The following KCNH8 variants were observed in gnomAD, a reference collection of about 807,000 sequenced individuals.
KCNH8 encodes potassium voltage-gated channel subfamily H member 8, also known as voltage-gated delayed rectifier potassium channel KCNH8.
Under a neutral mutation model 103.6 loss-of-function variants are expected in KCNH8, and 70 were observed. That is an observed-to-expected ratio of 0.68 (90% CI 0.56 to 0.82). KCNH8 has a LOEUF of 0.82. Among genes scored for constraint, KCNH8 ranks in the 40% least tolerant of loss-of-function variants. The pLI, the probability that KCNH8 is intolerant of heterozygous loss-of-function variation, is 0.00. For missense variants in KCNH8, 1,217 were observed against 1,329.9 expected, an observed-to-expected ratio of 0.92 and a Z score of 1.32; for synonymous variants, 498 against 489.4, an observed-to-expected ratio of 1.02 and a Z score of -0.23.
intron 15 of KCNH8, among the ~76,000 whole-genome samples, chr3:19,526,677 T>G (rs1334061908): frequency 1.1e-4 from 17 of 151,952 alleles, no homozygotes; most frequent in Non-Finnish European, 2.9e-5. Flanking sequence ...AGTAACACAA[T>G]GTTTTGAAAG....
chr3:19,516,113 G>C (rs955880663), intron 14 of KCNH8, among the ~76,000 whole-genome samples: 2 of 152,054 alleles, frequency 1.3e-5, no homozygotes, highest in Admixed American at 1.3e-4. Context: ...AATAGGCAGA[G>C]ACAATCCAAA....
chr3:19,477,749 T>C (rs2068006167), intron 11 of KCNH8, among the ~76,000 whole-genome samples: 1 of 152,216 alleles, frequency 6.6e-6, no homozygotes, highest in Non-Finnish European at 1.5e-5. Context: ...CTATGAGTTA[T>C]CAAATACATC....
At chr3:19,468,628 T>C (rs1183530223) in intron 11 of KCNH8, among the ~76,000 whole-genome samples, 1 of 152,218 alleles carries the variant, frequency 6.6e-6, no homozygotes, top group Admixed American at 6.5e-5. Flanking sequence ...TCCAGGTGGT[T>C]TGATATAGTA....
intron 7 of KCNH8, among the ~76,000 whole-genome samples, chr3:19,408,175 G>A (rs191347416): frequency 3.3e-5 from 5 of 152,184 alleles, no homozygotes; most frequent in African/African-American, 1.2e-4. Context: ...CTATGGGCTT[G>A]TAGGACAAAC....
chr3:19,250,252 AAG>A (rs1158534136), intron 1 of KCNH8, among the ~76,000 whole-genome samples: 1 of 152,178 alleles, frequency 6.6e-6, no homozygotes, highest in Non-Finnish European at 1.5e-5. Flanking sequence ...CTTTCAAAAA[AAG>A]AAAAAAAAAT....
chr3:19,528,087 G>A (rs2069096320), intron 15 of KCNH8, among the ~76,000 whole-genome samples: 1 of 151,858 alleles, frequency 6.6e-6, no homozygotes, highest in Non-Finnish European at 1.5e-5. Context: ...GAATAAGAAG[G>A]AGAAGGGGGA....
At chr3:19,162,037 CAA>C (rs2063239056) in intron 1 of KCNH8, among the ~76,000 whole-genome samples, 1 of 152,012 alleles carries the variant, frequency 6.6e-6, no homozygotes, top group Non-Finnish European at 1.5e-5. Flanking sequence ...AAGTGTTCAA[CAA>C]AGTTATTAGT....
chr3:19,435,125 G>A (rs1389815956), intron 7 of KCNH8, among the ~76,000 whole-genome samples: 1 of 151,968 alleles, frequency 6.6e-6, no homozygotes, highest in Non-Finnish European at 1.5e-5. Flanking sequence ...TAACGTATAT[G>A]TATATCGAAA....
intron 2 of KCNH8, among the ~76,000 whole-genome samples, chr3:19,262,371 A>C (rs550507551): frequency 1.6e-4 from 25 of 152,014 alleles, no homozygotes; most frequent in African/African-American, 5.8e-4. Flanking sequence ...GAGTTTTTTT[A>C]CACTTAGTTA....
chr3:19,373,158 G>A lies in KCNH8; in HGVS notation c.812-17323G>A, dbSNP rs560827020. Among the ~76,000 whole-genome samples, 677 of 151,810 alleles carry A rather than the reference G, an allele frequency of 4.5e-3. 5 individuals carry two copies. The highest frequency in any genetic ancestry group is 0.015 in the African/African-American group (627 of 41,222). On this transcript the variant is annotated intron_variant, in intron 5 of 15. Coordinates refer to ENST00000328405, the MANE Select transcript of KCNH8 (RefSeq NM_144633.3). ...GTTAGGGAGGATTCCCTCCTTTTCT[G>A]TTGATTGGAATAGTTTCAGAAGGAA...
intron 3 of KCNH8, among the ~76,000 whole-genome samples, chr3:19,305,299 A>T (rs1316459912): frequency 6.6e-6 from 1 of 152,160 alleles, no homozygotes; most frequent in Admixed American, 6.5e-5. Context: ...CAGACATGAA[A>T]CGTCTCTAAA....
chr3:19,308,708 CTCTCTCTCT>C lies in KCNH8; in HGVS notation c.442+27380_442+27388del, dbSNP rs1399201694. On this transcript the variant is annotated intron_variant, in intron 3 of 15. Coordinates refer to ENST00000328405, the MANE Select transcript of KCNH8 (RefSeq NM_144633.3). ...TCTCTCTCTCTCTCTCTCTCTCTCT[CTCTCTCTCT>C]CCCCCTCTCTCCCTCTCTCCCTCTC... 3.4e-4 allele frequency among the ~76,000 whole-genome samples: 29 copies of C among 85,030 alleles called. 1 individual carries two copies. Among genetic ancestry groups the C allele is most frequent in the Non-Finnish European group, 4.8e-4 (21 of 43,750 alleles). 55.8% of individuals were successfully genotyped at this position (85,030 alleles called of 152,430 possible). A position where few individuals can be genotyped will look rare whatever the true frequency, so the allele number is the denominator to read the frequency against.
chr3:19,480,229 G>A (rs1469611462), intron 11 of KCNH8, among the ~76,000 whole-genome samples: 1 of 152,158 alleles, frequency 6.6e-6, no homozygotes, highest in African/African-American at 2.4e-5. Flanking sequence ...CTTCTTTCCT[G>A]CTTCGCAGTA....
intron 3 of KCNH8, among the ~76,000 whole-genome samples, chr3:19,332,813 A>G (rs1045762062): frequency 1.2e-4 from 19 of 152,022 alleles, no homozygotes; most frequent in African/African-American, 3.6e-4. Context: ...TTGTATTTTC[A>G]GTAGAGACGG....
intron 11 of KCNH8, among the ~76,000 whole-genome samples, chr3:19,476,638 A>C (rs1440932296): frequency 6.6e-6 from 1 of 152,120 alleles, no homozygotes; most frequent in East Asian, 1.9e-4. Flanking sequence ...TGAATTCCCA[A>C]ATCATTGATT....
intron 6 of KCNH8, among the ~76,000 whole-genome samples, chr3:19,393,877 C>T (rs923886318): frequency 5.3e-5 from 8 of 152,152 alleles, no homozygotes; most frequent in Non-Finnish European, 5.9e-5. Context: ...TCAATTTCTA[C>T]GCTGAGCTTG....
intron 11 of KCNH8, among the ~76,000 whole-genome samples, chr3:19,486,697 G>A (rs964582102): frequency 6.6e-6 from 1 of 152,170 alleles, no homozygotes; most frequent in Admixed American, 6.6e-5. Context: ...TCTTGTAGAG[G>A]CTCCCATTTA....
chr3:19,220,521 A>G (rs951602538), intron 1 of KCNH8, among the ~76,000 whole-genome samples: 3 of 152,122 alleles, frequency 2.0e-5, no homozygotes, highest in African/African-American at 4.8e-5. Context: ...CCTGTCAACA[A>G]TGCATCTAAA....
intron 3 of KCNH8, among the ~76,000 whole-genome samples, chr3:19,317,517 A>T (rs540006642): frequency 1.3e-5 from 2 of 151,818 alleles, no homozygotes; most frequent in African/African-American, 4.8e-5. Context: ...TGCTATTTAA[A>T]CCTACTGAAC....
Sources: allele counts gnomAD v4.1 joint callset (sites outside exome capture counted in the v4.1 genomes callset), GRCh38; gene constraint gnomAD v4.1.1; transcripts MANE v1.5; gene names NCBI Gene and HGNC (gene_info 2026-07-23, HGNC 2026-07-21).